The following BICDL2 variants were observed in gnomAD, a reference collection of about 807,000 sequenced individuals.
BICDL2 encodes the protein BICD family like cargo adaptor 2, also known as BICD family-like cargo adapter 2.
A neutral mutation model predicts 56.6 loss-of-function variants in BICDL2; 62 were observed. That is an observed-to-expected ratio of 1.10 (90% CI 0.89 to 1.35). The LOEUF is 1.35. Among genes scored for constraint, BICDL2 ranks in the 40% most tolerant of loss-of-function variants. The pLI is 0.00. For synonymous variants in BICDL2, 358 were observed against 319.8 expected, an observed-to-expected ratio of 1.12 and a Z score of -1.27; for missense variants, 808 against 684.5, an observed-to-expected ratio of 1.18 and a Z score of -2.01.
chr16:3,028,303 G>A, intron 9 of BICDL2, 30 bp from the exon 10 acceptor site: 1 of 1,527,952 alleles, frequency 6.5e-7, no homozygotes, highest in Non-Finnish European at 8.7e-7. Flanking sequence ...GCTCAGCGCC[G>A]GTCCCGCCCC....
intron 8 of BICDL2, 89 bp downstream of exon 8, chr16:3,028,611 G>C: frequency 2.7e-6 from 4 of 1,475,376 alleles, no homozygotes; most frequent in Non-Finnish European, 2.7e-6. Context: ...GTGGGAGTGG[G>C]GATCATTATA....
chr16:3,031,533 G>A, intron 2 of BICDL2: 1 of 434,780 alleles, frequency 2.3e-6, no homozygotes, highest in Non-Finnish European at 4.1e-6. Context: ...GGGCTCTGGA[G>A]GCCTGGACTC....
At position 3,028,428 on chromosome 16, in the gene BICDL2, C is replaced by G. The variant is rs1185743757; in HGVS notation, c.1279G>C (p.Glu427Gln). 3.8e-6 allele frequency: 6 copies of G among 1,561,198 alleles called. No individual in the cohort carries two copies. The highest frequency in any genetic ancestry group is 5.2e-6 in the Non-Finnish European group (6 of 1,162,366). ...AGCTCCCGAGACAGGGAGTCTCGCT[C>G]CAGCGAGACGCGGTTGAGCTGCAGG... Reference protein sequence around the residue: ...LSLQLNRVSLERDSLSRELLR... With the variant: ...LSLQLNRVSLQRDSLSRELLR... Residue 427 changes from glutamate (E) to glutamine (Q), a missense_variant, in exon 9 of 10, where the codon GAG becomes CAG. Coordinates refer to ENST00000572449, the MANE Select transcript of BICDL2 (RefSeq NM_001369667.1).
In BICDL2 at chr16:3,035,320, T is replaced by C. The variant is rs1313991723; in HGVS notation, c.177A>G (p.Lys59=). The C allele has an allele frequency of 3.8e-6, 6 of 1,582,580 alleles. No homozygotes were observed. The South Asian group carries it at 5.7e-5, about 15-fold the overall frequency. Reference sequence around the variant, plus strand: ...CGAGCTCCGCGGCCAACAGCAGGTCTTTCTCCTTCTGCTGCAGCTGCAAGG... The same window carrying C: ...CGAGCTCCGCGGCCAACAGCAGGTCCTTCTCCTTCTGCTGCAGCTGCAAGG... ...DLALQLQQKE[K]DLLLAAELGK... is the part of the protein sequence containing the mutation. Residue 59 remains lysine (K), a synonymous_variant, in exon 2 of 10, where the codon AAA becomes AAG. Coordinates refer to ENST00000572449, the MANE Select transcript of BICDL2 (RefSeq NM_001369667.1).
At chr16:3,035,176 T>TTGGGGGGGGGGGGGGGGGGGGGGG in intron 2 of BICDL2, 39 bp downstream of exon 2, 2 of 136,274 alleles carry the variant, frequency 1.5e-5, no homozygotes, top group Non-Finnish European at 2.7e-5. Flanking sequence ...CGTCCTCCCC[T>TTGGGGGGGGGGGGGGGGGGGGGGG]GCCCACCCAC....
chr16:3,031,270 C>G (rs1596483095), intron 2 of BICDL2, 120 bp from the exon 3 acceptor site: 1 of 803,440 alleles, frequency 1.2e-6, no homozygotes, highest in East Asian at 2.7e-5. Context: ...GCCTTGTGTC[C>G]AAGACAGACA....
chr16:3,035,443 G>C lies in BICDL2; in HGVS notation c.54C>G (p.Ala18=). 6.2e-7 allele frequency: 1 copy of C among 1,612,298 alleles called. No individual in the cohort carries two copies. Among genetic ancestry groups the C allele is most frequent in the Non-Finnish European group, 8.5e-7 (1 of 1,179,828 alleles). The change falls in exon 2 of 10, where the codon GCC becomes GCG. Residue 18 remains alanine, a synonymous_variant. Transcript: ENST00000572449. ...AGAAGCCCTCGTCGCCGCTGGGAGAGGCGCCCCCTGAGAGCGGCCCGGACG... is the reference window on the plus strand; with the variant it reads ...AGAAGCCCTCGTCGCCGCTGGGAGACGCGCCCCCTGAGAGCGGCCCGGACG... ...SFPSGPLSGG[A]SPSGDEGFFP...
intron 1 of BICDL2, chr16:3,036,355 G>A (rs1223726444): frequency 6.8e-6 from 3 of 442,112 alleles, no homozygotes; most frequent in East Asian, 1.4e-4. Context: ...GGGAGCCCTG[G>A]GCTCCCCTAG....
In BICDL2 at chr16:3,029,830, G is replaced by C. The variant is rs577579038; in HGVS notation, c.763-91C>G. The stretch of plus-strand genomic sequence containing the variant: ...CGGCAGGTCCACACGGGGGTGCCGC[G>C]GAGAGCCCCGCACCCCAGCGGCCCA... On this transcript the variant is annotated intron_variant, in intron 5 of 9. Coordinates refer to ENST00000572449, the MANE Select transcript of BICDL2 (RefSeq NM_001369667.1). The C allele has an allele frequency of 2.6e-6, 3 of 1,139,622 alleles. No individual in the cohort carries two copies. The African/African-American group carries it at 5.0e-5, about 19-fold the overall frequency. 70.6% of individuals were successfully genotyped at this position (1,139,622 alleles called of 1,614,324 possible).
In BICDL2 at chr16:3,028,380, C is replaced by T. The variant is rs917750262; in HGVS notation, c.1327G>A (p.Val443Met). The T allele has an allele frequency of 5.8e-6, 9 of 1,551,862 alleles. 1 individual carries two copies. The highest frequency in any genetic ancestry group is 4.1e-5 in the African/African-American group (3 of 73,876). ...RELLRAIRQKVALTQELEAWQ... is the reference protein window; with the variant it reads ...RELLRAIRQKMALTQELEAWQ... ...GCCTCCAGCTCCTGCGTGAGCGCCACCTTCTGGCGGATGGCGCGCAGCAGC... is the reference window on the plus strand; with the variant it reads ...GCCTCCAGCTCCTGCGTGAGCGCCATCTTCTGGCGGATGGCGCGCAGCAGC... The change falls in exon 9 of 10, where the codon GTG becomes ATG. Residue 443 changes from valine to methionine, a missense_variant. By Grantham distance (21) the Val-to-Met change is conservative. Transcript: ENST00000572449.
intron 1 of BICDL2, chr16:3,036,390 G>A (rs551807255): frequency 1.9e-4 from 87 of 452,550 alleles, no homozygotes; most frequent in Non-Finnish European, 3.1e-4. Flanking sequence ...TGGGGTTCAG[G>A]GGCTCGGGTC....
At position 3,027,804 on chromosome 16, in the gene BICDL2, T is replaced by C; in HGVS notation, c.*302A>G. On this transcript the variant is annotated 3_prime_UTR_variant, in exon 10 of 10. Coordinates refer to ENST00000572449, the MANE Select transcript of BICDL2 (RefSeq NM_001369667.1). ...CCAAATCGGTGGAGTGATTTATATA[T>C]TACTCTGTCCGATCTTGATACATAA... 1.1e-6 allele frequency: 1 copy of C among 940,886 alleles called. No homozygotes were observed. Among genetic ancestry groups the C allele is most frequent in the East Asian group, 2.7e-5 (1 of 37,424 alleles). 58.3% of individuals were successfully genotyped at this position (940,886 alleles called of 1,614,324 possible).
At position 3,030,474 on chromosome 16, in the gene BICDL2, C is replaced by G; in HGVS notation, c.737G>C (p.Arg246Pro). 6.2e-7 allele frequency: 1 copy of G among 1,603,746 alleles called. No individual in the cohort carries two copies. ...CTCCAGGCTGTGCTCCCGCCGCTCC[C>G]GCCTCAGCAGCAGCAACTCCTCGTG... ...TTHEELLLLR[R>P]ERREHSLELE... is the part of the protein sequence containing the mutation. The change falls in exon 5 of 10, where the codon CGG (arginine) becomes CCG (proline). Residue 246 changes from arginine (R) to proline (P), a missense_variant. Transcript: ENST00000572449.
At chr16:3,033,363 T>C (rs957097893) in intron 2 of BICDL2, among the ~76,000 whole-genome samples, 2 of 151,928 alleles carry the variant, frequency 1.3e-5, no homozygotes, top group Non-Finnish European at 2.9e-5. Flanking sequence ...GGCTGGAGTG[T>C]CTGTGGCAGA....
At position 3,028,647 on chromosome 16, in the gene BICDL2, GCC is replaced by G. The variant is rs1285472442; in HGVS notation, c.1238+51_1238+52del. 1.9e-6 allele frequency: 3 copies of G among 1,543,238 alleles called. No individual in the cohort carries two copies. In the African/African-American group the frequency reaches 4.1e-5, roughly 21 times the overall value. On this transcript the variant is annotated intron_variant, in intron 8 of 9. Transcript: ENST00000572449. Reference sequence around the variant, plus strand: ...ACCCGTATCAGAAGAGGAATCAGGAGCCCAGGAGGGCCCAGAGGGCGCTGGGG... The same window carrying G: ...ACCCGTATCAGAAGAGGAATCAGGAGCAGGAGGGCCCAGAGGGCGCTGGGG...
intron 3 of BICDL2, 39 bp from the exon 4 acceptor site, chr16:3,030,851 C>G (rs1955643275): frequency 6.4e-7 from 1 of 1,571,594 alleles, no homozygotes; most frequent in Non-Finnish European, 8.6e-7. Context: ...GCCTCAGCAC[C>G]AAGCCCAATG....
At chr16:3,029,458 G>T in intron 6 of BICDL2, 29 bp from the exon 7 acceptor site, 1 of 1,593,512 alleles carries the variant, frequency 6.3e-7, no homozygotes, top group Non-Finnish European at 8.5e-7. Context: ...GGTTAGTGGT[G>T]TGGAGTTTAT....
chr16:3,028,915 C>G (rs112741342), intron 7 of BICDL2, 85 bp from the exon 8 acceptor site: 12 of 1,460,786 alleles, frequency 8.2e-6, no homozygotes, highest in African/African-American at 4.2e-5. Flanking sequence ...TGGCTCTCCC[C>G]ACCCCTCCTC....
chr16:3,028,666 G>T, intron 8 of BICDL2, 34 bp downstream of exon 8: 1 of 1,558,318 alleles, frequency 6.4e-7, no homozygotes, highest in Non-Finnish European at 8.7e-7. Flanking sequence ...GGCCCAGAGG[G>T]CGCTGGGGCG....
Sources: allele counts gnomAD v4.1 joint callset (sites outside exome capture counted in the v4.1 genomes callset), GRCh38; gene constraint gnomAD v4.1.1; transcripts MANE v1.5; gene names NCBI Gene and HGNC (gene_info 2026-07-23, HGNC 2026-07-21).